TNS3: variants seen among roughly 807,000 people sequenced by gnomAD.
TNS3 encodes tensin 3, also known as tensin-3.
A neutral mutation model predicts 140.9 loss-of-function variants in TNS3; 45 were observed. That is an observed-to-expected ratio of 0.32 (90% CI 0.25 to 0.41). The LOEUF (loss-of-function observed/expected upper bound fraction) is 0.41, where lower values mean the gene tolerates loss of function less well. Ranked by LOEUF, TNS3 falls within the 10% of genes least tolerant of loss-of-function variation. TNS3 has a pLI of 1.00. For synonymous variants in TNS3, 815 were observed against 788.4 expected, an observed-to-expected ratio of 1.03 and a Z score of -0.56; for missense variants, 1,716 against 1,906.7, an observed-to-expected ratio of 0.90 and a Z score of 1.86.
At chr7:47,440,023 C>T (rs185038558) in intron 5 of TNS3, among the ~76,000 whole-genome samples, 4 of 152,174 alleles carry the variant, frequency 2.6e-5, no homozygotes, top group Non-Finnish European at 4.4e-5. Context: ...GGGTTCCAGG[C>T]GGGACTCCTG....
At chr7:47,354,105 T>C (rs564051867) in intron 17 of TNS3, among the ~76,000 whole-genome samples, 12 of 151,560 alleles carry the variant, frequency 7.9e-5, no homozygotes, top group South Asian at 2.1e-4. Flanking sequence ...AAATCATGAA[T>C]TGAATAATTA....
chr7:47,330,974 T>G (rs1788309089), intron 20 of TNS3, among the ~76,000 whole-genome samples: 1 of 152,122 alleles, frequency 6.6e-6, no homozygotes, highest in Non-Finnish European at 1.5e-5. Context: ...GGGCGAACCT[T>G]ATGTGTGCAC....
intron 4 of TNS3, among the ~76,000 whole-genome samples, chr7:47,469,004 A>C (rs535577989): frequency 6.6e-6 from 1 of 152,352 alleles, no homozygotes; most frequent in East Asian, 1.9e-4. Context: ...CACCTTATTC[A>C]ATAAATAGTG....
At chr7:47,392,123 G>A (rs1043412438) in intron 16 of TNS3, among the ~76,000 whole-genome samples, 5 of 152,104 alleles carry the variant, frequency 3.3e-5, no homozygotes, top group Non-Finnish European at 7.3e-5. Context: ...TGTGTGCCGC[G>A]AGATATTCTT....
chr7:47,299,002 G>GGAC (rs1448253961), intron 23 of TNS3, among the ~76,000 whole-genome samples: 7 of 152,352 alleles, frequency 4.6e-5, no homozygotes, highest in African/African-American at 1.4e-4. Flanking sequence ...CCCATGCAAG[G>GGAC]GACCCAGGGC....
chr7:47,578,428 C>T (rs61081856), intron 1 of TNS3, among the ~76,000 whole-genome samples: 80,921 of 151,954 alleles, frequency 0.53, 22,153 homozygotes, highest in Middle Eastern at 0.66. Context: ...GTTGATGGCC[C>T]CCATCCTCAG....
intron 1 of TNS3, among the ~76,000 whole-genome samples, chr7:47,573,571 C>T (rs1800607262): frequency 6.6e-6 from 1 of 151,986 alleles, no homozygotes; most frequent in Non-Finnish European, 1.5e-5. Context: ...TCTGCCCACG[C>T]TGCCCCTCCA....
At chr7:47,373,937 C>A (rs562696814) in intron 16 of TNS3, among the ~76,000 whole-genome samples, 2 of 152,186 alleles carry the variant, frequency 1.3e-5, no homozygotes, top group East Asian at 3.9e-4. Context: ...GGTAGAAGAG[C>A]CGTGCAGCGC....
At chr7:47,291,272 T>C (rs1228092326) in intron 27 of TNS3, among the ~76,000 whole-genome samples, 4 of 152,142 alleles carry the variant, frequency 2.6e-5, no homozygotes, top group African/African-American at 9.7e-5. Flanking sequence ...CATTATGCAT[T>C]TGTCCAAACC....
chr7:47,570,900 G>A (rs1390877388), intron 1 of TNS3, among the ~76,000 whole-genome samples: 1 of 151,956 alleles, frequency 6.6e-6, no homozygotes, highest in Admixed American at 6.6e-5. Context: ...GAGATACAAC[G>A]AAAATTACAC....
chr7:47,439,534 G>A lies in TNS3; in HGVS notation c.103C>T (p.Gln35Ter), dbSNP rs776670776. ...CSEESYLHNL[Q>*]EVTRMLKSKH... ...GACTTGAGCATGCGCGTGACCTCCT[G>A]TAGGTTGTGCAGGTAGGACTCCTCA... The change falls in exon 6 of 31, where the codon CAG (glutamine) becomes TAG (stop). Residue 35 changes from glutamine (Q) to a stop codon, truncating the protein, a stop_gained. Transcript: ENST00000311160. LOFTEE classifies it high-confidence loss of function. The A allele has an allele frequency of 2.5e-6, 4 of 1,613,956 alleles. No homozygotes were observed. In the Admixed American group the frequency reaches 6.7e-5, roughly 27 times the overall value.
chr7:47,315,282 A>G (rs1167452135), intron 20 of TNS3, among the ~76,000 whole-genome samples: 1 of 152,252 alleles, frequency 6.6e-6, no homozygotes, highest in Non-Finnish European at 1.5e-5. Context: ...ACTTTCTGGT[A>G]TTCCGCCTAA....
intron 1 of TNS3, among the ~76,000 whole-genome samples, chr7:47,572,040 G>A (rs1446020321): frequency 6.6e-6 from 1 of 152,214 alleles, no homozygotes; most frequent in East Asian, 1.9e-4. Context: ...CCACGCAGAG[G>A]GGCCACCTCA....
intron 10 of TNS3, among the ~76,000 whole-genome samples, chr7:47,422,635 A>AG (rs1158321128): frequency 8.0e-6 from 1 of 125,200 alleles, no homozygotes; most frequent in Non-Finnish European, 1.8e-5. Flanking sequence ...AAGAAAAGAA[A>AG]AAAAAAATGA....
rs117521730 is a variant in TNS3 at position 47,556,303 on chromosome 7, A to T, written c.-265+25748T>A. Among the ~76,000 whole-genome samples, 512 of 152,306 alleles carry T rather than the reference A, an allele frequency of 3.4e-3. 34 individuals carry two copies. The East Asian group carries it at 0.086, about 26-fold the overall frequency. On this transcript the variant is annotated intron_variant, in intron 1 of 30. Coordinates refer to ENST00000311160, the MANE Select transcript of TNS3 (RefSeq NM_022748.12). ...TTAAAAAATTACCTTTAGTAAAACA[A>T]GTCAGCTACTCTAAGGAGGTTCCCA...
At chr7:47,490,021 C>T (rs1797753385) in intron 3 of TNS3, among the ~76,000 whole-genome samples, 2 of 152,170 alleles carry the variant, frequency 1.3e-5, no homozygotes, top group African/African-American at 2.4e-5. Flanking sequence ...TGATAAAATG[C>T]TAATGGCTTG....
intron 1 of TNS3, among the ~76,000 whole-genome samples, chr7:47,570,093 T>C (rs1009940592): frequency 2.0e-5 from 3 of 152,358 alleles, no homozygotes; most frequent in Non-Finnish European, 2.9e-5. Context: ...GAGGTTGCAG[T>C]GAGCCAAGAT....
intron 20 of TNS3, among the ~76,000 whole-genome samples, chr7:47,311,244 T>C (rs893768471): frequency 3.3e-5 from 5 of 152,200 alleles, no homozygotes; most frequent in Admixed American, 6.5e-5. Flanking sequence ...TTCCTGACTT[T>C]TTAATGATTG....
intron 8 of TNS3, among the ~76,000 whole-genome samples, chr7:47,434,036 G>T: frequency 6.6e-6 from 1 of 151,934 alleles, no homozygotes; most frequent in East Asian, 1.9e-4. Context: ...CTGTCCATTT[G>T]GGGGGAAAAT....
Sources: gnomAD v4.1 joint callset for allele counts (sites outside exome capture counted in the v4.1 genomes callset) on GRCh38, gnomAD v4.1.1 for gene constraint, MANE v1.5 for transcripts, NCBI Gene and HGNC (gene_info 2026-07-23, HGNC 2026-07-21) for gene names.